GINS1: variants seen among roughly 807,000 people sequenced by gnomAD.
The protein encoded by GINS1 is DNA replication complex GINS protein PSF1.
A neutral mutation model predicts 34.9 loss-of-function variants in GINS1; 26 were observed. The ratio of observed to expected loss-of-function variants is 0.74; its 90% CI spans 0.55 to 1.03. GINS1 has a LOEUF of 1.03. GINS1 is among the 50% of genes least tolerant of loss of function. GINS1 has a pLI of 0.00. For missense variants in GINS1, 235 were observed against 237.9 expected (o/e 0.99, Z 0.08); for synonymous variants, 97 against 84.4 (o/e 1.15, Z -0.82).
Position 25,417,147 on chromosome 20 carries a change from A to T in GINS1, c.184A>T (p.Ile62Phe), listed in dbSNP as rs1385864351. ...TGGACGAAGTGATTTGATACCAACT[A>T]TCAAATTTCGACACTGTTCTCTGTT... Reference protein sequence around the residue: ...SGGRSDLIPTIKFRHCSLLRN... With the variant: ...SGGRSDLIPTFKFRHCSLLRN... The change falls in exon 3 of 7, where the codon ATC (isoleucine) becomes TTC (phenylalanine). Residue 62 changes from isoleucine (I) to phenylalanine (F), a missense_variant. By Grantham distance (21) the Ile-to-Phe change is conservative (BLOSUM62 0). Transcript: ENST00000262460. 6.3e-7 allele frequency: 1 copy of T among 1,598,378 alleles called. No individual in the cohort carries two copies. The highest frequency in any genetic ancestry group is 1.3e-5 in the African/African-American group (1 of 74,586).
chr20:25,433,745 G>C (rs2090439441), intron 5 of GINS1, among the ~76,000 whole-genome samples: 1 of 152,092 alleles, frequency 6.6e-6, no homozygotes, highest in South Asian at 2.1e-4. Flanking sequence ...CTTGACTTCA[G>C]TAACATACCA....
intron 1 of GINS1, among the ~76,000 whole-genome samples, chr20:25,410,733 A>G (rs989495214): frequency 1.3e-5 from 2 of 151,594 alleles, no homozygotes; most frequent in South Asian, 2.1e-4. Flanking sequence ...AGATAATTTT[A>G]TGTATTTTTA....
intron 5 of GINS1, among the ~76,000 whole-genome samples, chr20:25,427,770 T>C (rs2090399977): frequency 6.6e-6 from 1 of 152,114 alleles, no homozygotes; most frequent in African/African-American, 2.4e-5. Flanking sequence ...TGGGTTGCCT[T>C]TTTATGCTGT....
intron 5 of GINS1, among the ~76,000 whole-genome samples, chr20:25,435,998 ATT>A (rs947252338): frequency 8.5e-6 from 1 of 117,654 alleles, no homozygotes; most frequent in African/African-American, 3.2e-5. Context: ...TTTTTTTTGT[ATT>A]TTTAGTAGAG....
At chr20:25,423,904 G>A (rs965375471) in intron 4 of GINS1, among the ~76,000 whole-genome samples, 3 of 151,992 alleles carry the variant, frequency 2.0e-5, no homozygotes, top group Admixed American at 6.6e-5. Flanking sequence ...GTGAGCCACC[G>A]TGCCCGGCCT....
At chr20:25,435,789 C>CAAAA (rs1491415398) in intron 5 of GINS1, among the ~76,000 whole-genome samples, 1 of 67,382 alleles carries the variant, frequency 1.5e-5, no homozygotes, top group Non-Finnish European at 2.5e-5. Context: ...AAAAAAAAAA[C>CAAAA]CAACTTTTTG....
intron 5 of GINS1, among the ~76,000 whole-genome samples, chr20:25,431,554 C>T (rs1209663573): frequency 1.3e-5 from 2 of 148,460 alleles, no homozygotes; most frequent in African/African-American, 4.9e-5. Flanking sequence ...TTTTCTTTTT[C>T]TTTTTCCTTT....
chr20:25,420,973 C>T (rs564081031), intron 4 of GINS1: 3 of 984,174 alleles, frequency 3.0e-6, no homozygotes, highest in South Asian at 9.4e-5. Flanking sequence ...GGACCAGTAA[C>T]AAAGAATATT....
intron 2 of GINS1, among the ~76,000 whole-genome samples, chr20:25,416,426 G>A (rs982772450): frequency 2.0e-5 from 3 of 152,158 alleles, no homozygotes; most frequent in African/African-American, 7.2e-5. Context: ...TGTATTATCA[G>A]GGCCTAGCAC....
intron 5 of GINS1, among the ~76,000 whole-genome samples, chr20:25,436,549 G>A (rs2090455968): frequency 4.6e-5 from 7 of 151,822 alleles, no homozygotes; most frequent in Admixed American, 3.3e-4. Flanking sequence ...CCTGTCTTTA[G>A]GTTTGCTTGT....
intron 1 of GINS1, among the ~76,000 whole-genome samples, chr20:25,409,356 A>G (rs1301743447): frequency 1.3e-5 from 2 of 152,232 alleles, no homozygotes; most frequent in Non-Finnish European, 2.9e-5. Context: ...CTGATAGAGC[A>G]GGTGAGAGGT....
intron 3 of GINS1, among the ~76,000 whole-genome samples, chr20:25,417,480 T>C (rs2090328504): frequency 6.6e-6 from 1 of 152,240 alleles, no homozygotes; most frequent in Non-Finnish European, 1.5e-5. Context: ...TTTCACTTGT[T>C]GGTGCCACAC....
chr20:25,444,382 A>T (rs2090499885), intron 6 of GINS1, among the ~76,000 whole-genome samples: 1 of 152,196 alleles, frequency 6.6e-6, no homozygotes, highest in Non-Finnish European at 1.5e-5. Flanking sequence ...TTTTATCCAG[A>T]AATCAATACT....
chr20:25,435,296 G>T (rs1244916480), intron 5 of GINS1, among the ~76,000 whole-genome samples: 1 of 152,050 alleles, frequency 6.6e-6, no homozygotes, highest in Admixed American at 6.6e-5. Flanking sequence ...ATCTTTTGCT[G>T]CTTTCTTTTT....
chr20:25,430,812 G>A lies in GINS1; in HGVS notation c.447+5485G>A, dbSNP rs527257708. 7.9e-5 allele frequency among the ~76,000 whole-genome samples: 12 copies of A among 152,364 alleles called. No individual in the cohort carries two copies. In the South Asian group the frequency reaches 2.1e-3, roughly 26 times the overall value. ...CCCAAAGTGCTGGGATTACAGGCGT[G>A]AGCCACCATGCCTGGCCTGTGTTGA... On this transcript the variant is annotated intron_variant, in intron 5 of 6. Coordinates refer to ENST00000262460, the MANE Select transcript of GINS1 (RefSeq NM_021067.5).
At chr20:25,429,150 G>A (rs6083860) in intron 5 of GINS1, among the ~76,000 whole-genome samples, 65,363 of 151,598 alleles carry the variant, frequency 0.43, 15,555 homozygotes, top group Admixed American at 0.55. Flanking sequence ...CACCATGCCC[G>A]GCTAATTTTT....
chr20:25,410,858 C>G (rs550930685), intron 1 of GINS1, among the ~76,000 whole-genome samples: 21 of 152,148 alleles, frequency 1.4e-4, no homozygotes, highest in Non-Finnish European at 2.9e-4. Context: ...CCACCGTGCC[C>G]GGCCCAACAC....
chr20:25,412,778 A>ACC (rs2146188275), intron 1 of GINS1, among the ~76,000 whole-genome samples: 1 of 152,266 alleles, frequency 6.6e-6, no homozygotes, highest in Non-Finnish European at 1.5e-5. Context: ...ATCTCATATA[A>ACC]CCCATAAATA....
chr20:25,436,759 G>A (rs1341597678), intron 5 of GINS1, among the ~76,000 whole-genome samples: 2 of 151,968 alleles, frequency 1.3e-5, no homozygotes, highest in African/African-American at 4.8e-5. Context: ...AACTCTTGTT[G>A]TAAAGTCTTT....
Sources: allele counts gnomAD v4.1 joint callset (sites outside exome capture counted in the v4.1 genomes callset), GRCh38; gene constraint gnomAD v4.1.1; transcripts MANE v1.5; gene names NCBI Gene and HGNC (gene_info 2026-07-23, HGNC 2026-07-21).